Variants in GRIN2A observed in about 807,000 individuals in gnomAD.
GRIN2A encodes glutamate ionotropic receptor NMDA type subunit 2A, also known as glutamate receptor ionotropic, NMDA 2A.
In GRIN2A, 22 loss-of-function variants were observed where a neutral mutation model predicts 113.4. That is an observed-to-expected ratio of 0.19 (90% CI 0.14 to 0.28). The LOEUF (loss-of-function observed/expected upper bound fraction) is 0.28. GRIN2A is among the 10% of genes least tolerant of loss of function. The probability of loss-of-function intolerance (pLI) is 1.00; values close to 1 mark genes in which losing one functional copy is unlikely to be tolerated. For missense variants in GRIN2A, 1,502 were observed against 1,887.0 expected (o/e 0.80, Z 3.78); for synonymous variants, 827 against 738.4 (o/e 1.12, Z -1.94).
chr16:10,091,467 C>CAT (rs151025783), intron 2 of GRIN2A, among the ~76,000 whole-genome samples: 23,322 of 130,278 alleles, frequency 0.18, 2,384 homozygotes, highest in East Asian at 0.45. Context: ...TACACACACA[C>CAT]ACACACACAC....
chr16:10,045,034 GA>G (rs555970102), intron 2 of GRIN2A, among the ~76,000 whole-genome samples: 3 of 151,868 alleles, frequency 2.0e-5, no homozygotes, highest in Non-Finnish European at 2.9e-5. Context: ...ACCTGGCAAA[GA>G]AAAAAAACCT....
intron 3 of GRIN2A, among the ~76,000 whole-genome samples, chr16:9,899,440 CAAAAAAAAAA>C (rs71157791): frequency 7.1e-3 from 44 of 6,206 alleles, no homozygotes; most frequent in African/African-American, 0.033. Context: ...AACTCCGTCT[CAAAAAAAAAA>C]AAAAAAAAAA....
chr16:10,170,894 A>C (rs1009318888), intron 2 of GRIN2A, among the ~76,000 whole-genome samples: 20 of 152,112 alleles, frequency 1.3e-4, no homozygotes, highest in Non-Finnish European at 2.6e-4. Context: ...AAAAAAAAAA[A>C]AAAAATTGTG....
At chr16:9,913,944 T>C (rs748929625) in intron 3 of GRIN2A, among the ~76,000 whole-genome samples, 2 of 152,172 alleles carry the variant, frequency 1.3e-5, no homozygotes, top group Non-Finnish European at 2.9e-5. Context: ...GGGGTTCTTT[T>C]TACTTGTTGC....
At chr16:9,889,994 C>T (rs974940604) in intron 4 of GRIN2A, among the ~76,000 whole-genome samples, 1 of 152,140 alleles carries the variant, frequency 6.6e-6, no homozygotes, top group African/African-American at 2.4e-5. Flanking sequence ...AGGAATCTGT[C>T]ATTGTCTCCC....
intron 2 of GRIN2A, among the ~76,000 whole-genome samples, chr16:10,110,544 G>T (rs1339337375): frequency 6.6e-6 from 1 of 152,230 alleles, no homozygotes; most frequent in East Asian, 1.9e-4. Context: ...GAGTGATGGC[G>T]CCAGCCAGGA....
chr16:10,055,952 G>A (rs968423231), intron 2 of GRIN2A, among the ~76,000 whole-genome samples: 2 of 152,110 alleles, frequency 1.3e-5, no homozygotes, highest in African/African-American at 4.8e-5. Flanking sequence ...CTTTCTCAGG[G>A]TTTCACTAAG....
intron 2 of GRIN2A, among the ~76,000 whole-genome samples, chr16:10,133,849 A>G (rs1413581509): frequency 6.6e-6 from 1 of 152,098 alleles, no homozygotes; most frequent in African/African-American, 2.4e-5. Context: ...GGAATCAATG[A>G]AAAGAAAAAA....
rs965335133 is a variant in GRIN2A at position 9,756,533 on chromosome 16, A to G, written c.*6616T>C. Reference sequence around the variant, plus strand: ...CTGACCTCCCTGGAGGAGACCAGGCACTTTGAAAATATGTCTAACGTTAGG... The same window carrying G: ...CTGACCTCCCTGGAGGAGACCAGGCGCTTTGAAAATATGTCTAACGTTAGG... On this transcript the variant is annotated 3_prime_UTR_variant, in exon 13 of 13. Coordinates refer to ENST00000330684, the MANE Select transcript of GRIN2A (RefSeq NM_001134407.3). The G allele has an allele frequency of 9.2e-6, 2 of 217,002 alleles. No homozygotes were observed. The highest frequency in any genetic ancestry group is 4.5e-5 in the African/African-American group (2 of 44,408). The allele number at this position is 217,002 out of a possible 1,614,324, so 13.4% of individuals were successfully genotyped here. A position where few individuals can be genotyped will look rare whatever the true frequency, so the allele number is the denominator to read the frequency against.
chr16:9,938,579 G>C, intron 2 of GRIN2A, 28 bp from the exon 3 acceptor site: 1 of 1,528,984 alleles, frequency 6.5e-7, no homozygotes, highest in Non-Finnish European at 9.0e-7. Context: ...GTAAAACAGA[G>C]GATGAGGCAG....
At chr16:10,032,875 A>G (rs575910402) in intron 2 of GRIN2A, among the ~76,000 whole-genome samples, 42 of 152,280 alleles carry the variant, frequency 2.8e-4, no homozygotes, top group Admixed American at 1.9e-3. Context: ...TCCTCACCCA[A>G]TGGAGAGTTT....
Position 9,861,563 on chromosome 16 carries a change from A to G in GRIN2A, c.1123-11602T>C, listed in dbSNP as rs376338735. 3.9e-5 allele frequency among the ~76,000 whole-genome samples: 6 copies of G among 152,314 alleles called. No individual in the cohort carries two copies. The South Asian group carries it at 1.2e-3, about 32-fold the overall frequency. Reference sequence around the variant, plus strand: ...ATGTAATTGATCCAGAAACAACAATAAAGATATCTGAGCCACTGCTGTGGC... The same window carrying G: ...ATGTAATTGATCCAGAAACAACAATGAAGATATCTGAGCCACTGCTGTGGC... On this transcript the variant is annotated intron_variant, in intron 4 of 12. Coordinates refer to ENST00000330684, the MANE Select transcript of GRIN2A (RefSeq NM_001134407.3).
rs1437219778 is a variant in GRIN2A, at chr16:9,789,545, AACAT to A, written c.2356+8728_2356+8731del. ...AAACCTTGGTTGATAAGATATATGA[AACAT>A]ACATACACACACACACACACACACA... On this transcript the variant is annotated intron_variant, in intron 11 of 12. Transcript: ENST00000330684. Among the ~76,000 whole-genome samples, 18 of 136,512 alleles carry A rather than the reference AACAT, an allele frequency of 1.3e-4. No homozygotes were observed. The East Asian group carries it at 2.3e-3, about 17-fold the overall frequency. 89.6% of individuals were successfully genotyped at this position (136,512 alleles called of 152,430 possible). A position where few individuals can be genotyped will look rare whatever the true frequency, so the allele number is the denominator to read the frequency against.
At chr16:9,878,987 T>C (rs933140990) in intron 4 of GRIN2A, among the ~76,000 whole-genome samples, 2 of 152,198 alleles carry the variant, frequency 1.3e-5, no homozygotes, top group Non-Finnish European at 2.9e-5. Context: ...TGACCTAACA[T>C]ATTGTACTGT....
At position 10,049,464 on chromosome 16, in the gene GRIN2A, G is replaced by A. The variant is rs1001614973; in HGVS notation, c.415-110913C>T. Among the ~76,000 whole-genome samples the A allele has an allele frequency of 5.3e-5, 8 of 151,188 alleles. No homozygotes were observed. In the East Asian group the frequency reaches 5.8e-4, roughly 11 times the overall value. Reference sequence around the variant, plus strand: ...GCGATCTCGGCTCACTGTAACCTCCGCCTCCCAGGTTCAAGCGATTCTCCT... The same window carrying A: ...GCGATCTCGGCTCACTGTAACCTCCACCTCCCAGGTTCAAGCGATTCTCCT... On this transcript the variant is annotated intron_variant, in intron 2 of 12. Transcript: ENST00000330684.
chr16:10,036,670 T>A (rs909268668), intron 2 of GRIN2A, among the ~76,000 whole-genome samples: 1 of 151,526 alleles, frequency 6.6e-6, no homozygotes, highest in African/African-American at 2.4e-5. Flanking sequence ...ATGGTCTCCA[T>A]CTCCTGACCT....
At chr16:9,983,509 A>G (rs192959213) in intron 2 of GRIN2A, among the ~76,000 whole-genome samples, 2,024 of 147,850 alleles carry the variant, frequency 0.014, 46 homozygotes, top group African/African-American at 0.048. Context: ...GCGTGATCTC[A>G]GCTCACTGCA....
intron 2 of GRIN2A, among the ~76,000 whole-genome samples, chr16:10,116,134 C>A (rs2048724379): frequency 6.6e-6 from 1 of 152,130 alleles, no homozygotes; most frequent in Non-Finnish European, 1.5e-5. Flanking sequence ...GAATACTATC[C>A]AGCCATAAAA....
At chr16:10,179,707 A>G (rs902078204) in intron 2 of GRIN2A, 35 of 458,134 alleles carry the variant, frequency 7.6e-5, no homozygotes, top group African/African-American at 6.5e-4. Flanking sequence ...CACCACCGCC[A>G]CCACCACCAC....
Sources: allele counts gnomAD v4.1 joint callset (sites outside exome capture counted in the v4.1 genomes callset), GRCh38; gene constraint gnomAD v4.1.1; transcripts MANE v1.5; gene names NCBI Gene and HGNC (gene_info 2026-07-23, HGNC 2026-07-21).